SYNJ2: variants seen among roughly 807,000 people sequenced by gnomAD.
SYNJ2 encodes the protein synaptojanin 2, also known as polyphosphatidylinositol phosphatase SYNJ2.
SYNJ2 carries 116 observed loss-of-function variants against 141.3 expected under a neutral mutation model. The observed-to-expected ratio is 0.82, with a 90% CI of 0.71 to 0.96. The LOEUF is 0.96. Among genes scored for constraint, SYNJ2 ranks in the 40% least tolerant of loss-of-function variants. The probability of loss-of-function intolerance (pLI) is 0.00; values close to 1 mark genes in which losing one functional copy is unlikely to be tolerated. For synonymous variants in SYNJ2, 745 were observed against 777.7 expected, an observed-to-expected ratio of 0.96 and a Z score of 0.70; for missense variants, 1,873 against 1,934.8, an observed-to-expected ratio of 0.97 and a Z score of 0.60.
chr6:158,058,533 G>C (rs1176267244), intron 6 of SYNJ2, among the ~76,000 whole-genome samples: 3 of 152,208 alleles, frequency 2.0e-5, no homozygotes, highest in African/African-American at 7.2e-5. Flanking sequence ...TTGAAAACAG[G>C]ATGCTGAGTT....
rs1222160120 is a variant in SYNJ2, at chr6:158,081,623, TTTTTTTTTTTTTC to T, written c.2865+115_2865+127del. ...CCTGTGCCTTTTTTTTTTTTTTTTT[TTTTTTTTTTTTTC>T]TCTGAGACAAAGTCTTGCTCTGTCA... On this transcript the variant is annotated intron_variant, in intron 20 of 26. Transcript: ENST00000355585. 2.8e-4 allele frequency: 130 copies of T among 459,670 alleles called. 3 individuals are homozygous for T. In the African/African-American group the frequency reaches 4.4e-3, roughly 16 times the overall value. 28.5% of individuals were successfully genotyped at this position (459,670 alleles called of 1,614,324 possible). A position where few individuals can be genotyped will look rare whatever the true frequency, so the allele number is the denominator to read the frequency against.
chr6:158,039,665 A>T (rs1041349641), intron 4 of SYNJ2, among the ~76,000 whole-genome samples: 2 of 152,074 alleles, frequency 1.3e-5, no homozygotes, highest in Non-Finnish European at 2.9e-5. Context: ...TCCTGTAGAC[A>T]GTCGGGTAAA....
intron 3 of SYNJ2, among the ~76,000 whole-genome samples, chr6:158,030,191 A>G (rs1335317163): frequency 6.6e-6 from 1 of 152,218 alleles, no homozygotes; most frequent in African/African-American, 2.4e-5. Flanking sequence ...TCTGGACATA[A>G]TGCTGTTTCT....
chr6:158,028,937 A>G lies in SYNJ2; in HGVS notation c.396A>G (p.Ser132=), dbSNP rs140060886. 1.0e-4 allele frequency: 167 copies of G among 1,614,058 alleles called. 1 individual carries two copies. The highest frequency in any genetic ancestry group is 8.4e-5 in the Non-Finnish European group (99 of 1,180,040). The change falls in exon 3 of 27, where the codon TCA becomes TCG. Residue 132 remains serine (S), a synonymous_variant. Coordinates refer to ENST00000355585, the MANE Select transcript of SYNJ2 (RefSeq NM_003898.4). The stretch of plus-strand genomic sequence containing the variant: ...TCAGCTCGGGGGTGTTCTATTTCTC[A>G]TGGCCAAACGATGGGTCTCGCTTTG... ...KILSSGVFYF[S]WPNDGSRFDL...
chr6:158,018,579 T>C (rs1049648713), intron 2 of SYNJ2, among the ~76,000 whole-genome samples: 13 of 152,224 alleles, frequency 8.5e-5, no homozygotes, highest in African/African-American at 3.1e-4. Flanking sequence ...GGAATGTTTT[T>C]CCCTGAACTG....
chr6:158,002,424 C>T (rs1777898562), intron 1 of SYNJ2: 1 of 152,224 alleles, frequency 6.6e-6, no homozygotes, highest in African/African-American at 2.4e-5. Context: ...AGGAGCCTTC[C>T]CAAGAGGAAT....
At chr6:158,042,160 T>C (rs780537736) in intron 4 of SYNJ2, among the ~76,000 whole-genome samples, 3 of 152,280 alleles carry the variant, frequency 2.0e-5, no homozygotes, top group Non-Finnish European at 4.4e-5. Flanking sequence ...AGCAACCTGC[T>C]ATTTTATTCT....
At chr6:158,083,706 G>A (rs1444685763) in intron 21 of SYNJ2, 109 bp downstream of exon 21, 13 of 1,398,352 alleles carry the variant, frequency 9.3e-6, no homozygotes, top group Middle Eastern at 1.9e-4. Context: ...GAGGACACCC[G>A]CAGGGCAAGC....
intron 14 of SYNJ2, 106 bp downstream of exon 14, chr6:158,069,779 T>A: frequency 7.4e-7 from 1 of 1,351,048 alleles, no homozygotes; most frequent in Non-Finnish European, 9.9e-7. Context: ...GTAACAGGAA[T>A]CGGGACTTAC....
intron 20 of SYNJ2, among the ~76,000 whole-genome samples, chr6:158,081,924 G>A (rs538870950): frequency 2.6e-5 from 4 of 152,238 alleles, no homozygotes; most frequent in Non-Finnish European, 5.9e-5. Context: ...AATGTGTTGA[G>A]ATTACAGGCA....
intron 1 of SYNJ2, among the ~76,000 whole-genome samples, chr6:157,987,440 A>T (rs1254703523): frequency 5.9e-5 from 9 of 151,720 alleles, no homozygotes; most frequent in African/African-American, 1.9e-4. Flanking sequence ...TTGCTCTCTC[A>T]CCCAGGCTGG....
chr6:158,085,811 G>A (rs942117018), intron 22 of SYNJ2, among the ~76,000 whole-genome samples: 3 of 152,192 alleles, frequency 2.0e-5, no homozygotes, highest in South Asian at 2.1e-4. Flanking sequence ...GGGGACTTCT[G>A]CCCAAGACTG....
rs773339258 is a variant in SYNJ2 at position 157,981,988 on chromosome 6, G to A, written c.27G>A (p.Leu9=). 1.7e-5 allele frequency: 22 copies of A among 1,278,430 alleles called. No individual in the cohort carries two copies. The African/African-American group carries it at 3.4e-4, about 20-fold the overall frequency. The allele number at this position is 1,278,430 out of a possible 1,614,324, so 79.2% of individuals were successfully genotyped here. A position where few individuals can be genotyped will look rare whatever the true frequency, so the allele number is the denominator to read the frequency against. The change falls in exon 1 of 27, where the codon CTG becomes CTA. Residue 9 remains leucine (L), a synonymous_variant. Coordinates refer to ENST00000355585, the MANE Select transcript of SYNJ2 (RefSeq NM_003898.4). This position sits in a 1 kb window ranked among gnomAD's most constrained non-coding sequence, Gnocchi z 6.4. MALSKGLR[L]LGRLGAEGDC... ...TGGCCCTGAGCAAAGGGCTGCGGCT[G>A]CTGGGGCGCCTGGGGGCCGAGGGGG...
rs1019034414 is a variant in SYNJ2, at chr6:158,040,739, G to A, written c.712-2577G>A. Among the ~76,000 whole-genome samples, 1 of 152,108 alleles carries A rather than the reference G, an allele frequency of 6.6e-6. No homozygotes were observed. Among genetic ancestry groups the A allele is most frequent in the Non-Finnish European group, 1.5e-5 (1 of 68,026 alleles). ...GTACCCCTGTGAGTTTTCCTGCCTC[G>A]TCGCTCTCTTTTTATGGCCATTAGG... On this transcript the variant is annotated intron_variant, in intron 4 of 26. Transcript: ENST00000355585. The surrounding 1 kb of genome is among the most constrained non-coding windows in gnomAD (Gnocchi z 4.2).
At chr6:158,002,681 C>T (rs1045107476) in intron 1 of SYNJ2, among the ~76,000 whole-genome samples, 1 of 152,180 alleles carries the variant, frequency 6.6e-6, no homozygotes, top group Non-Finnish European at 1.5e-5. Context: ...AGAAGGTGCA[C>T]ACACTTGGAG....
In SYNJ2 at chr6:158,098,676, T is replaced by C. The variant is rs1323486742; in HGVS notation, c.*2312T>C. On this transcript the variant is annotated 3_prime_UTR_variant, in exon 27 of 27. Transcript: ENST00000355585. ...GCAGCTGCCATCTTGGGGGATTTCA[T>C]TCTGTGGTTTTTTAAATGTTTCGTC... 1 of 152,216 alleles carries C rather than the reference T, an allele frequency of 6.6e-6. No homozygotes were observed. The highest frequency in any genetic ancestry group is 1.9e-4 in the East Asian group (1 of 5,198). 9.4% of individuals were successfully genotyped at this position (152,216 alleles called of 1,614,324 possible). A position where few individuals can be genotyped will look rare whatever the true frequency, so the allele number is the denominator to read the frequency against.
chr6:157,986,935 T>C (rs1777229321), intron 1 of SYNJ2, among the ~76,000 whole-genome samples: 1 of 152,096 alleles, frequency 6.6e-6, no homozygotes, highest in South Asian at 2.1e-4. Flanking sequence ...TTTTTTTTTT[T>C]TCTTGCATTT....
At chr6:158,033,896 A>C (rs1272187565) in intron 4 of SYNJ2, among the ~76,000 whole-genome samples, 1 of 152,228 alleles carries the variant, frequency 6.6e-6, no homozygotes, top group Admixed American at 6.5e-5. Flanking sequence ...TTCACATCTC[A>C]TGCAGGGAAA....
chr6:158,061,927 G>A, intron 7 of SYNJ2, 65 bp from the exon 8 acceptor site: 5 of 1,518,416 alleles, frequency 3.3e-6, no homozygotes, highest in Non-Finnish European at 4.5e-6. Context: ...AGCTCTGCAA[G>A]GAGCTTGCCC....
Sources: allele counts gnomAD v4.1 joint callset (sites outside exome capture counted in the v4.1 genomes callset), GRCh38; gene constraint gnomAD v4.1.1; non-coding constraint Gnocchi (gnomAD v3.1); transcripts MANE v1.5; gene names NCBI Gene and HGNC (gene_info 2026-07-23, HGNC 2026-07-21).